Variants in SOX5 observed in about 807,000 individuals in gnomAD.
The protein encoded by SOX5 is transcription factor SOX-5.
A neutral mutation model predicts 92.0 loss-of-function variants in SOX5; 9 were observed. The ratio of observed to expected loss-of-function variants is 0.10; its 90% CI spans 0.06 to 0.17. The LOEUF (loss-of-function observed/expected upper bound fraction) is 0.17. SOX5 is among the 10% of genes least tolerant of loss of function. The pLI, the probability that SOX5 is intolerant of heterozygous loss-of-function variation, is 1.00. For synonymous variants in SOX5, 344 were observed against 336.3 expected (o/e 1.02, Z -0.25); for missense variants, 642 against 944.5 (o/e 0.68, Z 4.20).
chr12:24,197,829 G>A (rs1310523923), intron 4 of SOX5, among the ~76,000 whole-genome samples: 1 of 152,136 alleles, frequency 6.6e-6, no homozygotes, highest in Non-Finnish European at 1.5e-5. Flanking sequence ...ACTGTCACTC[G>A]GGTTCCTGTT....
chr12:24,502,581 C>T (rs966223355), intron 1 of SOX5, among the ~76,000 whole-genome samples: 1 of 152,052 alleles, frequency 6.6e-6, no homozygotes, highest in Admixed American at 6.5e-5. Flanking sequence ...GGGGGTAATA[C>T]AAAATCTCCA....
At chr12:24,444,171 ATTGT>A (rs1479758573) in intron 1 of SOX5, among the ~76,000 whole-genome samples, 1 of 152,138 alleles carries the variant, frequency 6.6e-6, no homozygotes, top group Non-Finnish European at 1.5e-5. Context: ...GTGAAACTTA[ATTGT>A]TTGTTTCTTA....
chr12:24,228,604 G>T (rs976927216), intron 3 of SOX5, among the ~76,000 whole-genome samples: 1 of 152,164 alleles, frequency 6.6e-6, no homozygotes, highest in African/African-American at 2.4e-5. Context: ...CTGGCTGCAT[G>T]GAGCTATATA....
chr12:23,694,786 A>AT (rs1215940585), intron 6 of SOX5, among the ~76,000 whole-genome samples: 2 of 151,912 alleles, frequency 1.3e-5, no homozygotes, highest in Non-Finnish European at 2.9e-5. Context: ...CGTATATGAT[A>AT]TTTTTTCTCT....
intron 5 of SOX5, among the ~76,000 whole-genome samples, chr12:23,735,410 C>A (rs1376133717): frequency 6.6e-6 from 1 of 152,064 alleles, no homozygotes; most frequent in Admixed American, 6.6e-5. Context: ...AAATGTTTTC[C>A]CCGATCATGA....
intron 8 of SOX5, chr12:23,638,524 T>C (rs528054708): frequency 1.3e-5 from 2 of 152,240 alleles, no homozygotes; most frequent in South Asian, 4.1e-4. Context: ...AGATGAAACA[T>C]CTCAAAAATA....
At chr12:24,140,054 C>T (rs1286552641) in intron 4 of SOX5, among the ~76,000 whole-genome samples, 1 of 152,128 alleles carries the variant, frequency 6.6e-6, no homozygotes, top group Non-Finnish European at 1.5e-5. Flanking sequence ...TCTTTAAATT[C>T]TATGAGCAAA....
At chr12:23,824,868 G>A (rs1386414199) in intron 3 of SOX5, among the ~76,000 whole-genome samples, 6 of 152,188 alleles carry the variant, frequency 3.9e-5, no homozygotes, top group Admixed American at 3.9e-4. Flanking sequence ...TGAATTTTCC[G>A]GCAGCTTTGT....
intron 2 of SOX5, among the ~76,000 whole-genome samples, chr12:23,847,928 A>AAC (rs139563978): frequency 0.035 from 5,276 of 151,742 alleles, 107 homozygotes; most frequent in South Asian, 0.057. Flanking sequence ...CAAACACATA[A>AAC]ACACACACAC....
At chr12:24,043,108 TAAAG>T in intron 4 of SOX5, among the ~76,000 whole-genome samples, 2 of 152,304 alleles carry the variant, frequency 1.3e-5, no homozygotes, top group Non-Finnish European at 1.5e-5. Flanking sequence ...GCAAACTACC[TAAAG>T]AAGAGATGAA....
chr12:24,541,276 G>GAGA (rs1441164041), intron 1 of SOX5, among the ~76,000 whole-genome samples: 1 of 152,240 alleles, frequency 6.6e-6, no homozygotes, highest in Admixed American at 6.5e-5. Flanking sequence ...ATATCCTGAT[G>GAGA]AGAGCACCTT....
chr12:23,771,171 T>G (rs1025061193), intron 3 of SOX5, among the ~76,000 whole-genome samples: 1 of 143,342 alleles, frequency 7.0e-6, no homozygotes, highest in African/African-American at 2.5e-5. Context: ...TAACACATAC[T>G]TTCCCAAAAA....
intron 6 of SOX5, among the ~76,000 whole-genome samples, chr12:23,676,904 A>C (rs1329686530): frequency 2.0e-5 from 3 of 152,302 alleles, no homozygotes; most frequent in South Asian, 2.1e-4. Flanking sequence ...CCTGAAGAGT[A>C]AGGGCATAGC....
Position 23,536,549 on chromosome 12 carries a change from C to T in SOX5, c.1892G>A (p.Arg631His), listed in dbSNP as rs1940512202. The T allele has an allele frequency of 6.2e-7, 1 of 1,614,032 alleles. No homozygotes were observed. Among genetic ancestry groups the T allele is most frequent in the Admixed American group, 1.7e-5 (1 of 60,000 alleles). ...CTTTTTGCCATCCACCAGGCAGGTGCGCTTTGGCCTGGGCTTGTACTTATA... is the reference window on the plus strand; with the variant it reads ...CTTTTTGCCATCCACCAGGCAGGTGTGCTTTGGCCTGGGCTTGTACTTATA... The part of the protein sequence containing the change: ...PDYKYKPRPK[R>H]TCLVDGKKLR... Residue 631 changes from arginine to histidine, a missense_variant, in exon 14 of 15, where the codon CGC becomes CAC. Physicochemically the swap from Arg to His is conservative, Grantham distance 29. Transcript: ENST00000451604.
chr12:23,673,363 T>C (rs1382824), intron 6 of SOX5, among the ~76,000 whole-genome samples: 122,456 of 151,992 alleles, frequency 0.81, 49,528 homozygotes, highest in East Asian at 0.92. Flanking sequence ...TATTACTTAT[T>C]GTAGTTCTTG....
intron 8 of SOX5, among the ~76,000 whole-genome samples, chr12:23,636,458 A>C (rs943869929): frequency 2.0e-5 from 3 of 152,176 alleles, no homozygotes; most frequent in African/African-American, 7.2e-5. Flanking sequence ...TCTTTAATAA[A>C]AATTCTGGAT....
At chr12:24,206,681 C>T (rs1958052450) in intron 4 of SOX5, among the ~76,000 whole-genome samples, 1 of 152,122 alleles carries the variant, frequency 6.6e-6, no homozygotes, top group African/African-American at 2.4e-5. Context: ...GTTTCCTTCT[C>T]CACCTTCCAC....
At chr12:23,875,497 T>G (rs2096917877) in intron 2 of SOX5, among the ~76,000 whole-genome samples, 1 of 152,114 alleles carries the variant, frequency 6.6e-6, no homozygotes, top group Admixed American at 6.6e-5. Context: ...TAAAAAAGTT[T>G]CATTATTTTT....
At chr12:24,156,530 T>C (rs1239287493) in intron 4 of SOX5, among the ~76,000 whole-genome samples, 1 of 152,156 alleles carries the variant, frequency 6.6e-6, no homozygotes, top group Non-Finnish European at 1.5e-5. Flanking sequence ...GATATCAGTT[T>C]CCAGAACTTA....
Sources: allele counts gnomAD v4.1 joint callset (sites outside exome capture counted in the v4.1 genomes callset), GRCh38; gene constraint gnomAD v4.1.1; transcripts MANE v1.5; gene names NCBI Gene and HGNC (gene_info 2026-07-23, HGNC 2026-07-21).